The following ADGRL3 variants were observed in gnomAD, a reference collection of about 807,000 sequenced individuals.
The protein encoded by ADGRL3 is calcium-independent alpha-latrotoxin receptor 3.
Under a neutral mutation model 153.5 loss-of-function variants are expected in ADGRL3, and 62 were observed. The ratio of observed to expected loss-of-function variants is 0.40; its 90% CI spans 0.33 to 0.50. The LOEUF (loss-of-function observed/expected upper bound fraction) is 0.50. Ranked by LOEUF, ADGRL3 falls within the 20% of genes least tolerant of loss-of-function variation. The pLI, the probability that ADGRL3 is intolerant of heterozygous loss-of-function variation, is 0.47. For synonymous variants in ADGRL3, 710 were observed against 672.5 expected (o/e 1.06, Z -0.86); for missense variants, 1,641 against 1,859.4 (o/e 0.88, Z 2.16).
At chr4:61,348,078 T>C (rs2095961009) in intron 1 of ADGRL3, among the ~76,000 whole-genome samples, 1 of 152,028 alleles carries the variant, frequency 6.6e-6, no homozygotes, top group Non-Finnish European at 1.5e-5. Flanking sequence ...TTTAGCACTT[T>C]TCAAACTTAT....
At chr4:61,814,797 A>T (rs2097669879) in intron 9 of ADGRL3, among the ~76,000 whole-genome samples, 1 of 152,006 alleles carries the variant, frequency 6.6e-6, no homozygotes, top group African/African-American at 2.4e-5. Context: ...TTTCTCTATT[A>T]AGTTTTCCCT....
chr4:61,398,820 A>G (rs1314913578), intron 2 of ADGRL3, among the ~76,000 whole-genome samples: 8 of 151,700 alleles, frequency 5.3e-5, no homozygotes, highest in African/African-American at 7.2e-5. Flanking sequence ...ATGTAAGAAC[A>G]TGTAAATAAA....
intron 1 of ADGRL3, among the ~76,000 whole-genome samples, chr4:61,263,065 G>A (rs1463230358): frequency 6.6e-6 from 1 of 152,000 alleles, no homozygotes; most frequent in African/African-American, 2.4e-5. Flanking sequence ...TCTGAAAATT[G>A]TTGAATGCAA....
chr4:61,574,800 C>T (rs2098860208), intron 4 of ADGRL3, among the ~76,000 whole-genome samples: 1 of 151,652 alleles, frequency 6.6e-6, no homozygotes, highest in South Asian at 2.1e-4. Flanking sequence ...ACTTTATAAT[C>T]CTGAAATGAT....
At chr4:61,266,468 C>A (rs991744426) in intron 1 of ADGRL3, among the ~76,000 whole-genome samples, 2 of 151,760 alleles carry the variant, frequency 1.3e-5, no homozygotes, top group East Asian at 1.9e-4. Context: ...ATTTTAACAT[C>A]ACTTCTATTG....
intron 5 of ADGRL3, among the ~76,000 whole-genome samples, chr4:61,643,136 T>C (rs369658397): frequency 1.3e-5 from 2 of 152,186 alleles, no homozygotes; most frequent in South Asian, 4.1e-4. Flanking sequence ...GTTCATTGAT[T>C]TTGTATCCTG....
chr4:61,364,991 A>G (rs1354560203), intron 1 of ADGRL3, among the ~76,000 whole-genome samples: 1 of 152,204 alleles, frequency 6.6e-6, no homozygotes, highest in Non-Finnish European at 1.5e-5. Flanking sequence ...TTGAATTTCT[A>G]GAGGGATCAT....
At chr4:61,437,624 G>A (rs1431364175) in intron 2 of ADGRL3, among the ~76,000 whole-genome samples, 1 of 152,132 alleles carries the variant, frequency 6.6e-6, no homozygotes, top group Admixed American at 6.6e-5. Context: ...TGATCTCAGA[G>A]TCTTCTTTAT....
At chr4:61,513,801 A>T (rs1358868658) in intron 3 of ADGRL3, among the ~76,000 whole-genome samples, 3 of 152,216 alleles carry the variant, frequency 2.0e-5, no homozygotes, top group Non-Finnish European at 4.4e-5. Flanking sequence ...AAAGATAAGC[A>T]TGAAGTTTCT....
At chr4:61,871,860 G>C (rs1054802835) in intron 9 of ADGRL3, among the ~76,000 whole-genome samples, 2 of 152,142 alleles carry the variant, frequency 1.3e-5, no homozygotes, top group Admixed American at 1.3e-4. Context: ...TACCTGAAAT[G>C]ATCTTCCCTG....
chr4:61,752,650 G>A (rs984404785), intron 8 of ADGRL3, among the ~76,000 whole-genome samples: 4 of 151,768 alleles, frequency 2.6e-5, no homozygotes, highest in Non-Finnish European at 4.4e-5. Flanking sequence ...TCAGTATGCT[G>A]GCTGGGCACA....
chr4:61,548,044 G>A (rs985845350), intron 4 of ADGRL3, among the ~76,000 whole-genome samples: 3 of 151,892 alleles, frequency 2.0e-5, no homozygotes, highest in African/African-American at 4.8e-5. Context: ...GTGATGTTGA[G>A]TATTTTTTCA....
At chr4:61,793,297 G>T (rs970946888) in intron 8 of ADGRL3, among the ~76,000 whole-genome samples, 1 of 152,080 alleles carries the variant, frequency 6.6e-6, no homozygotes, top group African/African-American at 2.4e-5. Flanking sequence ...GGCGGCGGGC[G>T]CCTGTAGTCC....
At chr4:61,641,361 G>A (rs1295310997) in intron 5 of ADGRL3, among the ~76,000 whole-genome samples, 2 of 151,136 alleles carry the variant, frequency 1.3e-5, no homozygotes, top group East Asian at 3.9e-4. Flanking sequence ...ATGTATACAT[G>A]TGCCATGCTG....
intron 20 of ADGRL3, among the ~76,000 whole-genome samples, chr4:61,997,723 C>T (rs2151057879): frequency 6.6e-6 from 1 of 152,102 alleles, no homozygotes; most frequent in Non-Finnish European, 1.5e-5. Context: ...TTTTATCATC[C>T]TTTTGAACTA....
In ADGRL3 at chr4:61,403,174, C is replaced by T. The variant is rs563977874; in HGVS notation, c.-174+19985C>T. Among the ~76,000 whole-genome samples, 89 of 151,980 alleles carry T rather than the reference C, an allele frequency of 5.9e-4. 1 individual carries two copies. Among genetic ancestry groups the T allele is most frequent in the Non-Finnish European group, 1.0e-3 (71 of 67,982 alleles). ...AGATATACATATTTGGTCTGTATTC[C>T]AGTTTTCTGACACACAGCTCCTAAA... is the stretch of plus-strand genomic sequence containing the variant. On this transcript the variant is annotated intron_variant, in intron 2 of 26. Coordinates refer to ENST00000683033, the MANE Select transcript of ADGRL3 (RefSeq NM_001387552.1).
At chr4:61,558,956 G>A (rs918881380) in intron 4 of ADGRL3, among the ~76,000 whole-genome samples, 74 of 152,002 alleles carry the variant, frequency 4.9e-4, no homozygotes, top group African/African-American at 1.7e-3. Flanking sequence ...GGTAAATAGG[G>A]GATCATAATA....
chr4:61,337,623 T>C (rs774595793), intron 1 of ADGRL3, among the ~76,000 whole-genome samples: 3 of 152,188 alleles, frequency 2.0e-5, no homozygotes, highest in Non-Finnish European at 1.5e-5. Context: ...TCACTCTGTT[T>C]GTAAAAAATC....
At chr4:61,902,230 CCACCG>C (rs1345062165) in intron 11 of ADGRL3, among the ~76,000 whole-genome samples, 5 of 152,026 alleles carry the variant, frequency 3.3e-5, no homozygotes, top group African/African-American at 1.2e-4. Flanking sequence ...GTTAATGGTA[CCACCG>C]TGGAGTTAGG....
Sources: allele counts gnomAD v4.1 joint callset (sites outside exome capture counted in the v4.1 genomes callset), GRCh38; gene constraint gnomAD v4.1.1; transcripts MANE v1.5; gene names NCBI Gene and HGNC (gene_info 2026-07-23, HGNC 2026-07-21).